Variants in SPSB4 observed in about 807,000 individuals in gnomAD.
SPSB4 encodes the protein SPRY domain-containing SOCS box protein 4.
SPSB4 carries 21 observed loss-of-function variants against 20.9 expected under a neutral mutation model. The ratio of observed to expected loss-of-function variants is 1.01; its 90% CI spans 0.71 to 1.45. The LOEUF is 1.45. SPSB4 is among the 40% of genes most tolerant of loss of function. The pLI, the probability that SPSB4 is intolerant of heterozygous loss-of-function variation, is 0.00. For synonymous variants in SPSB4, 207 were observed against 183.8 expected (o/e 1.13, Z -1.02); for missense variants, 399 against 399.2 (o/e 1.00, Z 0.00).
chr3:141,079,421 A>G (rs761195339), intron 2 of SPSB4, among the ~76,000 whole-genome samples: 6 of 152,188 alleles, frequency 3.9e-5, no homozygotes, highest in Non-Finnish European at 7.3e-5. Flanking sequence ...GTTAGCTACC[A>G]ATAGTAAATT....
intron 1 of SPSB4, among the ~76,000 whole-genome samples, chr3:141,052,867 A>AAGGGGACG (rs1936119909): frequency 6.6e-6 from 1 of 152,190 alleles, no homozygotes; most frequent in Admixed American, 6.5e-5. Context: ...TCCAAGCCAG[A>AAGGGGACG]AGGGGACGCC....
In SPSB4 at chr3:141,051,552, G is replaced by C. The variant is rs1293852344; in HGVS notation, c.-594G>C. 3 of 152,222 alleles carry C rather than the reference G, an allele frequency of 2.0e-5. No individual in the cohort carries two copies. The highest frequency in any genetic ancestry group is 6.6e-5 in the Admixed American group (1 of 15,238). The allele number at this position is 152,222 out of a possible 1,614,324, so 9.4% of individuals were successfully genotyped here. On this transcript the variant is annotated 5_prime_UTR_variant, in exon 1 of 3. Coordinates refer to ENST00000310546, the MANE Select transcript of SPSB4 (RefSeq NM_080862.3). ...CCGGGCCCCAGCTGCTGCTACCGCT[G>C]CGTGCGCTCAGGGCGCTGGGGAAGA...
In SPSB4 at chr3:141,142,888, C is replaced by T. The variant is rs376720568; in HGVS notation, c.695-4254C>T. On this transcript the variant is annotated intron_variant, in intron 2 of 2. Transcript: ENST00000310546. ...CTGGAGTGCAGTGGCATGATCTCAG[C>T]TCATTGCAAGTTCCACCTCCCAGGT... Among the ~76,000 whole-genome samples, 13 of 134,734 alleles carry T rather than the reference C, an allele frequency of 9.6e-5. No homozygotes were observed. In the East Asian group the frequency reaches 2.5e-3, roughly 26 times the overall value. The allele number at this position is 134,734 out of a possible 152,430, so 88.4% of individuals were successfully genotyped here. A position where few individuals can be genotyped will look rare whatever the true frequency, so the allele number is the denominator to read the frequency against.
At chr3:141,092,526 G>C (rs2107792340) in intron 2 of SPSB4, among the ~76,000 whole-genome samples, 1 of 152,332 alleles carries the variant, frequency 6.6e-6, no homozygotes, top group African/African-American at 2.4e-5. Flanking sequence ...CCAGGAGTGG[G>C]CCTTGAGGCT....
At chr3:141,097,431 T>C (rs527946181) in intron 2 of SPSB4, among the ~76,000 whole-genome samples, 1 of 152,322 alleles carries the variant, frequency 6.6e-6, no homozygotes, top group Non-Finnish European at 1.5e-5. Context: ...GTTTGTTTTT[T>C]GGTTTTTTTT....
intron 2 of SPSB4, among the ~76,000 whole-genome samples, chr3:141,132,652 G>GTATATA (rs61229879): frequency 8.7e-5 from 13 of 148,608 alleles, no homozygotes; most frequent in African/African-American, 2.7e-4. Flanking sequence ...CAAGGTGTGT[G>GTATATA]TATATATATA....
At chr3:141,054,662 C>T (rs1018493523) in intron 1 of SPSB4, among the ~76,000 whole-genome samples, 3 of 152,194 alleles carry the variant, frequency 2.0e-5, no homozygotes, top group Non-Finnish European at 4.4e-5. Flanking sequence ...ACATTGAGTT[C>T]AGAACTTACT....
chr3:141,093,593 C>T (rs1306090145), intron 2 of SPSB4, among the ~76,000 whole-genome samples: 3 of 152,126 alleles, frequency 2.0e-5, no homozygotes, highest in Non-Finnish European at 1.5e-5. Flanking sequence ...TTAGTCACAG[C>T]CAGTGAAGCT....
chr3:141,061,798 C>T (rs577252847), intron 1 of SPSB4, among the ~76,000 whole-genome samples: 2 of 148,412 alleles, frequency 1.3e-5, no homozygotes, highest in Admixed American at 6.7e-5. Context: ...TGCAGTGGCA[C>T]GATCTTGGCT....
At chr3:141,059,549 C>T (rs1937724397) in intron 1 of SPSB4, among the ~76,000 whole-genome samples, 2 of 152,036 alleles carry the variant, frequency 1.3e-5, no homozygotes, top group Non-Finnish European at 2.9e-5. Context: ...CTCTCCAGAA[C>T]TCAGTCACTA....
rs1939445531 is a variant in SPSB4 at position 141,147,978 on chromosome 3, A to C, written c.*709A>C. ...CAGACACCTCTCTTCAGGGAAGATGAGTCTGACTGGTTTGCCCCAGGGAAG... is the reference window on the plus strand; with the variant it reads ...CAGACACCTCTCTTCAGGGAAGATGCGTCTGACTGGTTTGCCCCAGGGAAG... On this transcript the variant is annotated 3_prime_UTR_variant, in exon 3 of 3. Transcript: ENST00000310546. The C allele has an allele frequency of 6.5e-6, 1 of 152,832 alleles. No individual in the cohort carries two copies. The highest frequency in any genetic ancestry group is 1.5e-5 in the Non-Finnish European group (1 of 68,222). The allele number at this position is 152,832 out of a possible 1,614,324, so 9.5% of individuals were successfully genotyped here.
At chr3:141,140,799 T>G (rs571006800) in intron 2 of SPSB4, among the ~76,000 whole-genome samples, 6 of 151,066 alleles carry the variant, frequency 4.0e-5, no homozygotes, top group African/African-American at 1.5e-4. Flanking sequence ...GAGGAGGCAG[T>G]CTGCCCGTTC....
chr3:141,089,842 A>G (rs1025523833), intron 2 of SPSB4, among the ~76,000 whole-genome samples: 2 of 152,226 alleles, frequency 1.3e-5, no homozygotes, highest in South Asian at 2.1e-4. Context: ...CAGCTCTGCC[A>G]TTAATCAGCT....
At chr3:141,090,512 T>C (rs1482520156) in intron 2 of SPSB4, among the ~76,000 whole-genome samples, 3 of 151,944 alleles carry the variant, frequency 2.0e-5, no homozygotes, top group Non-Finnish European at 4.4e-5. Context: ...AAAAAAAACT[T>C]GAAAGAGGGG....
At chr3:141,083,183 T>C (rs72980182) in intron 2 of SPSB4, among the ~76,000 whole-genome samples, 24,537 of 152,054 alleles carry the variant, frequency 0.16, 2,402 homozygotes, top group East Asian at 0.25. Context: ...CCACCACAGG[T>C]CCCCCCAGGT....
chr3:141,144,352 T>C (rs530948988), intron 2 of SPSB4, among the ~76,000 whole-genome samples: 6 of 152,358 alleles, frequency 3.9e-5, no homozygotes, highest in African/African-American at 1.4e-4. Context: ...CTTTTTCGGT[T>C]TTATCTTTAG....
intron 2 of SPSB4, among the ~76,000 whole-genome samples, chr3:141,129,631 C>T (rs1459346308): frequency 2.6e-5 from 4 of 152,262 alleles, no homozygotes; most frequent in East Asian, 1.9e-4. Flanking sequence ...TTCAGAGAGA[C>T]GCTGGGTAGG....
chr3:141,123,715 A>G (rs1939006920), intron 2 of SPSB4, among the ~76,000 whole-genome samples: 1 of 152,160 alleles, frequency 6.6e-6, no homozygotes, highest in Non-Finnish European at 1.5e-5. Flanking sequence ...TTCTTTCAGT[A>G]CCCATAGGGG....
intron 2 of SPSB4, among the ~76,000 whole-genome samples, chr3:141,125,455 G>A (rs2107802749): frequency 6.6e-6 from 1 of 152,304 alleles, no homozygotes; most frequent in East Asian, 1.9e-4. Flanking sequence ...GAATCAGAAG[G>A]TTCAGAACCC....
Sources: gnomAD v4.1 joint callset for allele counts (sites outside exome capture counted in the v4.1 genomes callset) on GRCh38, gnomAD v4.1.1 for gene constraint, MANE v1.5 for transcripts, NCBI Gene and HGNC (gene_info 2026-07-23, HGNC 2026-07-21) for gene names.